Variants in DCC observed in about 807,000 individuals in gnomAD.
The protein encoded by DCC is DCC netrin 1 receptor.
In DCC, 58 loss-of-function variants were observed where a neutral mutation model predicts 172.5. The observed-to-expected ratio is 0.34, with a 90% confidence interval of 0.27 to 0.42. The LOEUF (loss-of-function observed/expected upper bound fraction) is 0.42. Ranked by LOEUF, DCC falls within the 10% of genes least tolerant of loss-of-function variation. The probability of loss-of-function intolerance (pLI) is 1.00; values close to 1 mark genes in which losing one functional copy is unlikely to be tolerated. For synonymous variants in DCC, 709 were observed against 644.5 expected (o/e 1.10, Z -1.52); for missense variants, 1,740 against 1,791.0 (o/e 0.97, Z 0.51).
chr18:53,066,425 GTATA>G (rs147709000), intron 7 of DCC, among the ~76,000 whole-genome samples: 8 of 133,882 alleles, frequency 6.0e-5, no homozygotes, highest in African/African-American at 1.6e-4. Context: ...GTGTGTTTGT[GTATA>G]TATATATATA....
chr18:52,941,515 T>TAC (rs1161449230), intron 5 of DCC, among the ~76,000 whole-genome samples: 17 of 151,928 alleles, frequency 1.1e-4, no homozygotes, highest in Admixed American at 2.0e-4. Context: ...TATATATATA[T>TAC]ACACACTTGT....
intron 7 of DCC, among the ~76,000 whole-genome samples, chr18:53,123,238 CA>C (rs2043507409): frequency 6.6e-6 from 1 of 152,042 alleles, no homozygotes; most frequent in African/African-American, 2.4e-5. Context: ...AGGAAATTGA[CA>C]TTTGAGTTGA....
intron 12 of DCC, among the ~76,000 whole-genome samples, chr18:53,272,759 G>T (rs1317534404): frequency 6.6e-6 from 1 of 152,112 alleles, no homozygotes; most frequent in Non-Finnish European, 1.5e-5. Context: ...TCACTGGATT[G>T]AGGTAGCAAT....
At chr18:53,392,607 G>C (rs1439594313) in intron 17 of DCC, among the ~76,000 whole-genome samples, 1 of 152,054 alleles carries the variant, frequency 6.6e-6, no homozygotes, top group Admixed American at 6.6e-5. Flanking sequence ...AGATAATTTT[G>C]TTACCTCCTA....
At chr18:53,158,078 A>G (rs2054773470) in intron 8 of DCC, among the ~76,000 whole-genome samples, 2 of 152,222 alleles carry the variant, frequency 1.3e-5, no homozygotes, top group South Asian at 4.1e-4. Flanking sequence ...AAAATACATC[A>G]TGTATCCCAT....
chr18:52,491,665 A>C (rs546579091), intron 1 of DCC, among the ~76,000 whole-genome samples: 1 of 152,226 alleles, frequency 6.6e-6, no homozygotes, highest in African/African-American at 2.4e-5. Flanking sequence ...GAAGACAGAA[A>C]AATGGAGGGA....
intron 12 of DCC, among the ~76,000 whole-genome samples, chr18:53,220,277 C>A (rs2055912651): frequency 1.3e-5 from 2 of 152,234 alleles, no homozygotes; most frequent in East Asian, 3.9e-4. Context: ...AGTTCACACA[C>A]CTCCCTGCTG....
intron 5 of DCC, among the ~76,000 whole-genome samples, chr18:53,013,340 A>G (rs1328411193): frequency 6.6e-6 from 1 of 152,174 alleles, no homozygotes; most frequent in African/African-American, 2.4e-5. Flanking sequence ...AATGTGGCAC[A>G]TATATACCAT....
intron 2 of DCC, among the ~76,000 whole-genome samples, chr18:52,853,882 C>T (rs758794337): frequency 5.9e-5 from 9 of 152,304 alleles, no homozygotes; most frequent in Non-Finnish European, 1.3e-4. Flanking sequence ...GAGTCCCAGC[C>T]TTCAGGGTTT....
chr18:52,882,506 A>G (rs1379717077), intron 2 of DCC, among the ~76,000 whole-genome samples: 1 of 152,004 alleles, frequency 6.6e-6, no homozygotes, highest in Non-Finnish European at 1.5e-5. Context: ...TTGTTTCAAC[A>G]AATTTTTCAA....
chr18:52,644,456 G>C (rs1308425331), intron 1 of DCC, among the ~76,000 whole-genome samples: 1 of 152,048 alleles, frequency 6.6e-6, no homozygotes, highest in Middle Eastern at 3.4e-3. Flanking sequence ...GCAGGAGCCT[G>C]TAGTCCCAGC....
intron 12 of DCC, among the ~76,000 whole-genome samples, chr18:53,262,017 G>T (rs1044830329): frequency 5.3e-5 from 8 of 152,148 alleles, no homozygotes; most frequent in African/African-American, 1.9e-4. Flanking sequence ...CAGAAAAGAG[G>T]GGAACAATTG....
chr18:53,244,796 T>C (rs1340545808), intron 12 of DCC, among the ~76,000 whole-genome samples: 1 of 152,088 alleles, frequency 6.6e-6, no homozygotes, highest in Non-Finnish European at 1.5e-5. Flanking sequence ...CAATTTGGAA[T>C]CTGGTTTACA....
intron 1 of DCC, among the ~76,000 whole-genome samples, chr18:52,731,105 A>G (rs1010561923): frequency 6.6e-6 from 1 of 152,204 alleles, no homozygotes; most frequent in Admixed American, 6.5e-5. Context: ...GTTTGTGTCT[A>G]TTATGTGGTC....
At chr18:52,801,010 G>A (rs2037974759) in intron 2 of DCC, among the ~76,000 whole-genome samples, 1 of 152,106 alleles carries the variant, frequency 6.6e-6, no homozygotes, top group African/African-American at 2.4e-5. Flanking sequence ...TCCTCTGGCA[G>A]GCTAGCTTGG....
chr18:52,443,393 T>C (rs187708803), intron 1 of DCC, among the ~76,000 whole-genome samples: 8 of 152,284 alleles, frequency 5.3e-5, no homozygotes, highest in Admixed American at 2.6e-4. Context: ...GAGACAAGCA[T>C]ACAAGTGATA....
At chr18:53,049,851 A>T (rs7506784) in intron 5 of DCC, among the ~76,000 whole-genome samples, 96,673 of 151,922 alleles carry the variant, frequency 0.64, 31,643 homozygotes, top group African/African-American at 0.74. Flanking sequence ...AAAGGGAGTT[A>T]ATTAAAAATA....
intron 1 of DCC, among the ~76,000 whole-genome samples, chr18:52,679,702 G>C (rs1040293213): frequency 2.0e-5 from 3 of 152,116 alleles, no homozygotes; most frequent in African/African-American, 7.2e-5. Context: ...GGCAGTTTCA[G>C]TTTAATCATT....
intron 25 of DCC, 81 bp from the exon 26 acceptor site, chr18:53,486,716 T>C: frequency 1.9e-6 from 3 of 1,595,222 alleles, no homozygotes; most frequent in Non-Finnish European, 2.6e-6. Flanking sequence ...TTTGAGGATC[T>C]GAAAATTCCA....
Sources: allele counts gnomAD v4.1 joint callset (sites outside exome capture counted in the v4.1 genomes callset), GRCh38; gene constraint gnomAD v4.1.1; transcripts MANE v1.5; gene names NCBI Gene and HGNC (gene_info 2026-07-23, HGNC 2026-07-21).